The following CNTN4 variants were observed in gnomAD, a reference collection of about 807,000 sequenced individuals.
CNTN4 encodes contactin 4.
Under a neutral mutation model 122.5 loss-of-function variants are expected in CNTN4, and 77 were observed. The observed-to-expected ratio is 0.63, with a 90% confidence interval of 0.52 to 0.76. CNTN4 has a LOEUF of 0.76. Ranked by LOEUF, CNTN4 falls within the 30% of genes least tolerant of loss-of-function variation. CNTN4 has a pLI of 0.00. For missense variants in CNTN4, 1,256 were observed against 1,259.1 expected (o/e 1.00, Z 0.04); for synonymous variants, 512 against 447.0 (o/e 1.15, Z -1.83).
At chr3:2,936,056 C>G (rs1240314121) in intron 13 of CNTN4, among the ~76,000 whole-genome samples, 1 of 152,184 alleles carries the variant, frequency 6.6e-6, no homozygotes, top group Non-Finnish European at 1.5e-5. Flanking sequence ...CATTCCATGG[C>G]AAGCTAAGAA....
At chr3:2,756,898 T>A (rs1389285497) in intron 6 of CNTN4, among the ~76,000 whole-genome samples, 2 of 150,744 alleles carry the variant, frequency 1.3e-5, no homozygotes, top group Non-Finnish European at 3.0e-5. Context: ...AGAGAATAAA[T>A]TTTTTTTTTA....
intron 7 of CNTN4, among the ~76,000 whole-genome samples, chr3:2,835,515 T>A (rs970708099): frequency 2.0e-5 from 3 of 152,110 alleles, no homozygotes; most frequent in African/African-American, 7.2e-5. Flanking sequence ...CCAAAAAAAA[T>A]TTAAACAAAA....
chr3:2,691,192 G>C (rs2085719419), intron 4 of CNTN4, among the ~76,000 whole-genome samples: 2 of 152,144 alleles, frequency 1.3e-5, no homozygotes, highest in African/African-American at 4.8e-5. Context: ...TGATGTCTTT[G>C]AGGCATTCCT....
chr3:2,597,755 C>G (rs1019363649), intron 4 of CNTN4, among the ~76,000 whole-genome samples: 4 of 152,144 alleles, frequency 2.6e-5, no homozygotes, highest in Non-Finnish European at 5.9e-5. Context: ...TGGACTTTCT[C>G]AAGCCTGAGG....
chr3:2,664,815 TCTTG>T (rs1437908970), intron 4 of CNTN4, among the ~76,000 whole-genome samples: 2 of 152,208 alleles, frequency 1.3e-5, no homozygotes, highest in African/African-American at 4.8e-5. Context: ...CAAACAGATT[TCTTG>T]CTTTAAAGTA....
At chr3:2,572,453 G>A (rs1453163432) in intron 4 of CNTN4, among the ~76,000 whole-genome samples, 1 of 152,160 alleles carries the variant, frequency 6.6e-6, no homozygotes, top group Non-Finnish European at 1.5e-5. Flanking sequence ...CCATTTTCTG[G>A]AAGATATGAG....
chr3:2,905,282 C>T (rs1012637174), intron 12 of CNTN4, among the ~76,000 whole-genome samples: 2 of 152,216 alleles, frequency 1.3e-5, no homozygotes, highest in African/African-American at 4.8e-5. Context: ...AAAAATACTG[C>T]AAACATGGTG....
chr3:2,327,121 T>G (rs536306916), intron 2 of CNTN4, among the ~76,000 whole-genome samples: 1 of 143,880 alleles, frequency 7.0e-6, no homozygotes, highest in African/African-American at 2.6e-5. Context: ...AATTACAGAC[T>G]CCTGGGAATA....
intron 3 of CNTN4, among the ~76,000 whole-genome samples, chr3:2,542,900 C>T (rs2078091395): frequency 6.6e-6 from 1 of 152,018 alleles, no homozygotes; most frequent in African/African-American, 2.4e-5. Context: ...ATCATGCTTA[C>T]GTTGTATTCA....
chr3:2,858,713 A>G lies in CNTN4; in HGVS notation c.455-8039A>G, dbSNP rs986965155. On this transcript the variant is annotated intron_variant, in intron 7 of 24. Transcript: ENST00000418658. ...CAGAGTGAGACCCTGTCTCAGAAAAAAAAAAAGAAAAAGAAAAAGAAAAAC... is the reference window on the plus strand; with the variant it reads ...CAGAGTGAGACCCTGTCTCAGAAAAGAAAAAAGAAAAAGAAAAAGAAAAAC... Among the ~76,000 whole-genome samples, 7 of 152,130 alleles carry G rather than the reference A, an allele frequency of 4.6e-5. No homozygotes were observed. The East Asian group carries it at 5.8e-4, about 13-fold the overall frequency.
chr3:3,018,694 A>G (rs2125573901), intron 14 of CNTN4, among the ~76,000 whole-genome samples: 1 of 152,354 alleles, frequency 6.6e-6, no homozygotes, highest in South Asian at 2.1e-4. Context: ...ATACATGTAT[A>G]CACACATAGA....
chr3:3,026,008 A>T, intron 14 of CNTN4, 94 bp from the exon 15 acceptor site: 1 of 1,202,072 alleles, frequency 8.3e-7, no homozygotes, highest in Non-Finnish European at 1.2e-6. Context: ...AAAATTACTT[A>T]GTATTTCATC....
chr3:2,366,910 G>T (rs1224420720), intron 3 of CNTN4, among the ~76,000 whole-genome samples: 2 of 152,004 alleles, frequency 1.3e-5, no homozygotes, highest in African/African-American at 4.8e-5. Flanking sequence ...TTAATATGTT[G>T]CACTCTAACA....
chr3:2,546,232 A>G (rs1027598584), intron 3 of CNTN4, among the ~76,000 whole-genome samples: 2 of 152,082 alleles, frequency 1.3e-5, no homozygotes, highest in Non-Finnish European at 1.5e-5. Flanking sequence ...ACTATTCACA[A>G]TAGCAAAGAT....
intron 4 of CNTN4, among the ~76,000 whole-genome samples, chr3:2,602,292 G>A (rs2081079528): frequency 6.6e-6 from 1 of 152,160 alleles, no homozygotes; most frequent in Non-Finnish European, 1.5e-5. Flanking sequence ...AGGAAAAGAT[G>A]TAGTCAAATT....
At chr3:2,487,610 G>A (rs1375150262) in intron 3 of CNTN4, among the ~76,000 whole-genome samples, 1 of 152,130 alleles carries the variant, frequency 6.6e-6, no homozygotes, top group Non-Finnish European at 1.5e-5. Flanking sequence ...AAAATAAAAT[G>A]TGTGCATGAC....
chr3:2,206,857 A>G (rs2038369448), intron 2 of CNTN4, among the ~76,000 whole-genome samples: 2 of 147,174 alleles, frequency 1.4e-5, no homozygotes, highest in African/African-American at 5.0e-5. Flanking sequence ...AGTTTGCATT[A>G]CTGCACTTCG....
intron 4 of CNTN4, among the ~76,000 whole-genome samples, chr3:2,642,990 T>C (rs1251391907): frequency 3.3e-5 from 5 of 152,176 alleles, no homozygotes; most frequent in African/African-American, 1.2e-4. Context: ...ATATACCTCA[T>C]AGGGCAGATG....
chr3:2,810,353 G>A (rs1300911507), intron 6 of CNTN4, among the ~76,000 whole-genome samples: 1 of 152,104 alleles, frequency 6.6e-6, no homozygotes, highest in African/African-American at 2.4e-5. Flanking sequence ...AATTGCCAAA[G>A]TTAAGAAGCC....
Sources: gnomAD v4.1 joint callset for allele counts (sites outside exome capture counted in the v4.1 genomes callset) on GRCh38, gnomAD v4.1.1 for gene constraint, MANE v1.5 for transcripts, NCBI Gene and HGNC (gene_info 2026-07-23, HGNC 2026-07-21) for gene names.